Variants in DENND4A observed in about 807,000 individuals in gnomAD.
The protein encoded by DENND4A is C-myc promoter-binding protein.
Under a neutral mutation model 199.3 loss-of-function variants are expected in DENND4A, and 70 were observed. The observed-to-expected ratio is 0.35, with a 90% confidence interval of 0.29 to 0.43. The LOEUF is 0.43. Ranked by LOEUF, DENND4A falls within the 20% of genes least tolerant of loss-of-function variation. The probability of loss-of-function intolerance (pLI) is 1.00; values close to 1 mark genes in which losing one functional copy is unlikely to be tolerated. For synonymous variants in DENND4A, 686 were observed against 766.9 expected, an observed-to-expected ratio of 0.89 and a Z score of 1.74; for missense variants, 1,723 against 2,255.8, an observed-to-expected ratio of 0.76 and a Z score of 4.78.
chr15:65,677,263 TAC>T (rs1414673206), intron 23 of DENND4A, among the ~76,000 whole-genome samples: 1 of 152,114 alleles, frequency 6.6e-6, no homozygotes, highest in Non-Finnish European at 1.5e-5. Context: ...CAGGCTGGAG[TAC>T]AGTGGGCAAT....
At position 65,716,505 on chromosome 15, in the gene DENND4A, T is replaced by C. The variant is rs150344882; in HGVS notation, c.1808-882A>G. ...GTGAGAACATGCGGTGTTTGGTTTTTTGTCCTTGCAACAGTTTACTGAGAA... is the reference window on the plus strand; with the variant it reads ...GTGAGAACATGCGGTGTTTGGTTTTCTGTCCTTGCAACAGTTTACTGAGAA... On this transcript the variant is annotated intron_variant, in intron 13 of 32. Transcript: ENST00000443035. Among the ~76,000 whole-genome samples the C allele has an allele frequency of 4.8e-3, 721 of 151,322 alleles. 8 individuals carry two copies. Among genetic ancestry groups the C allele is most frequent in the African/African-American group, 0.017 (688 of 41,220 alleles).
chr15:65,732,717 C>G (rs567589893), intron 8 of DENND4A, 35 bp downstream of exon 8: 1 of 1,325,260 alleles, frequency 7.5e-7, no homozygotes, highest in South Asian at 1.2e-5. Flanking sequence ...AATAACAACT[C>G]ATAGGTCCCC....
intron 20 of DENND4A, among the ~76,000 whole-genome samples, chr15:65,700,068 A>G (rs1431586436): frequency 6.6e-6 from 1 of 152,082 alleles, no homozygotes; most frequent in East Asian, 1.9e-4. Flanking sequence ...ATTACAGTAC[A>G]GAGAGTTCCT....
intron 24 of DENND4A, among the ~76,000 whole-genome samples, chr15:65,672,250 C>T (rs1283595606): frequency 6.6e-6 from 1 of 152,034 alleles, no homozygotes; most frequent in African/African-American, 2.4e-5. Context: ...GTTCCAAGGT[C>T]TAAAAAGTAT....
Position 65,661,718 on chromosome 15 carries a change from GCTGT to G in DENND4A, c.*129_*132del. 1.4e-6 allele frequency: 1 copy of G among 727,892 alleles called. No homozygotes were observed. The highest frequency in any genetic ancestry group is 2.1e-6 in the Non-Finnish European group (1 of 477,202). 45.1% of individuals were successfully genotyped at this position (727,892 alleles called of 1,614,324 possible). A position where few individuals can be genotyped will look rare whatever the true frequency, so the allele number is the denominator to read the frequency against. ...TCTTCTTCAAACATTCTGTACATAA[GCTGT>G]CTGAGTCTTTTGAACCATTTACAAA... is the stretch of plus-strand genomic sequence containing the variant. On this transcript the variant is annotated 3_prime_UTR_variant, in exon 33 of 33. Transcript: ENST00000443035.
intron 20 of DENND4A, among the ~76,000 whole-genome samples, chr15:65,699,335 C>T (rs1002592482): frequency 1.3e-5 from 2 of 151,844 alleles, no homozygotes; most frequent in Non-Finnish European, 2.9e-5. Context: ...AGAGTTTGCT[C>T]TTATCTGTAG....
intron 22 of DENND4A, among the ~76,000 whole-genome samples, chr15:65,692,984 G>A (rs1037490376): frequency 1.3e-4 from 20 of 152,086 alleles, no homozygotes; most frequent in African/African-American, 4.3e-4. Context: ...CATTTGCAAA[G>A]GGTTGTAAAA....
intron 23 of DENND4A, among the ~76,000 whole-genome samples, chr15:65,677,196 T>C (rs573211175): frequency 2.0e-5 from 3 of 152,324 alleles, no homozygotes; most frequent in Non-Finnish European, 4.4e-5. Flanking sequence ...TGCATATTGT[T>C]ATTTTTAATC....
intron 27 of DENND4A, among the ~76,000 whole-genome samples, chr15:65,669,460 A>ATCC (rs2076150627): frequency 2.0e-5 from 3 of 152,196 alleles, no homozygotes; most frequent in African/African-American, 7.2e-5. Context: ...TCCTGAAGAG[A>ATCC]TAGAGACAAG....
chr15:65,676,141 A>AAAATATATATATATATATATATAT (rs1362535499), intron 24 of DENND4A, among the ~76,000 whole-genome samples: 9 of 110,464 alleles, frequency 8.1e-5, no homozygotes, highest in Non-Finnish European at 1.4e-4. Context: ...AATAAGGAAA[A>AAAATATATATATATATATATATAT]ATATATATAT....
chr15:65,680,694 CCTTG>C (rs1397364154), intron 23 of DENND4A: 1 of 152,084 alleles, frequency 6.6e-6, no homozygotes, highest in Non-Finnish European at 1.5e-5. Flanking sequence ...TACAGACCTA[CCTTG>C]GAGGTATGGC....
intron 1 of DENND4A, among the ~76,000 whole-genome samples, chr15:65,766,161 G>T (rs1237703285): frequency 6.7e-6 from 1 of 148,968 alleles, no homozygotes; most frequent in African/African-American, 2.5e-5. Context: ...TGAGGCAGGA[G>T]AATCACTTGA....
intron 9 of DENND4A, 71 bp from the exon 10 acceptor site, chr15:65,729,749 CA>C: frequency 7.3e-7 from 1 of 1,378,738 alleles, no homozygotes; most frequent in East Asian, 2.5e-5. Context: ...AAACAATGGG[CA>C]AAAGTAGTTG....
In DENND4A at chr15:65,702,382, A is replaced by G; in HGVS notation, c.2353T>C (p.Ser785Pro). The change falls in exon 17 of 33, where the codon TCA becomes CCA. Residue 785 changes from serine to proline, a missense_variant. Transcript: ENST00000443035. ...GCTGTTTTCAGAGCCCTGACTTTTG[A>G]ATGACAGACTTTCACATAAGCTGGG... ...CLPAYVKVCH[S>P]KVRALKTAYD... 6 of 1,558,636 alleles carry G rather than the reference A, an allele frequency of 3.8e-6. No individual in the cohort carries two copies. The highest frequency in any genetic ancestry group is 5.2e-6 in the Non-Finnish European group (6 of 1,150,894).
At chr15:65,688,286 G>A (rs1175486628) in intron 23 of DENND4A, among the ~76,000 whole-genome samples, 1 of 152,034 alleles carries the variant, frequency 6.6e-6, no homozygotes, top group Non-Finnish European at 1.5e-5. Context: ...TTTACCTAAA[G>A]GAACCAGTTA....
At position 65,741,698 on chromosome 15, in the gene DENND4A, T is replaced by C. The variant is rs1021230928; in HGVS notation, c.631+17A>G. 1.2e-6 allele frequency: 2 copies of C among 1,608,890 alleles called. No individual in the cohort carries two copies. The highest frequency in any genetic ancestry group is 1.1e-5 in the South Asian group (1 of 90,716). ...ATACATTTATATATGAAGTATTGCA[T>C]GAAAAATTACACTTACCAGCTTTGT... On this transcript the variant is annotated intron_variant, in intron 5 of 32. Transcript: ENST00000443035.
At chr15:65,770,849 T>C (rs1161574989) in intron 1 of DENND4A, among the ~76,000 whole-genome samples, 1 of 152,168 alleles carries the variant, frequency 6.6e-6, no homozygotes. Context: ...CATAAATCTT[T>C]ACATGACAAG....
At chr15:65,715,432 A>C (rs543308921) in intron 14 of DENND4A, 46 bp downstream of exon 14, 1 of 1,528,638 alleles carries the variant, frequency 6.5e-7, no homozygotes, top group East Asian at 2.3e-5. Context: ...CATTTATAAC[A>C]GTCACACAAA....
intron 13 of DENND4A, among the ~76,000 whole-genome samples, chr15:65,716,972 C>T (rs573874288): frequency 2.2e-4 from 33 of 152,178 alleles, no homozygotes; most frequent in African/African-American, 5.8e-4. Context: ...ATTGTGGTTT[C>T]GATTTGCATT....
Sources: allele counts gnomAD v4.1 joint callset (sites outside exome capture counted in the v4.1 genomes callset), GRCh38; gene constraint gnomAD v4.1.1; transcripts MANE v1.5; gene names NCBI Gene and HGNC (gene_info 2026-07-23, HGNC 2026-07-21).